AP1M1: variants seen among roughly 807,000 people sequenced by gnomAD.
AP1M1 encodes AP-1 complex subunit mu-1.
Under a neutral mutation model 57.1 loss-of-function variants are expected in AP1M1, and 18 were observed. The ratio of observed to expected loss-of-function variants is 0.32; its 90% CI spans 0.22 to 0.47. The LOEUF (loss-of-function observed/expected upper bound fraction) is 0.47, where lower values mean the gene tolerates loss of function less well. Among genes scored for constraint, AP1M1 ranks in the 20% least tolerant of loss-of-function variants. The pLI is 1.00. For synonymous variants in AP1M1, 241 were observed against 237.9 expected (o/e 1.01, Z -0.12); for missense variants, 362 against 593.5 (o/e 0.61, Z 4.05).
chr19:16,244,690 C>G lies in AP1M1; in HGVS notation c.*10255C>G, dbSNP rs931563923. 6.6e-6 allele frequency: 1 copy of G among 151,588 alleles called. No individual in the cohort carries two copies. The highest frequency in any genetic ancestry group is 2.4e-5 in the African/African-American group (1 of 41,324). The allele number at this position is 151,588 out of a possible 1,614,324, so 9.4% of individuals were successfully genotyped here. A position where few individuals can be genotyped will look rare whatever the true frequency, so the allele number is the denominator to read the frequency against. ...CTAAAAATACAAAAAATTAGCCGGGCGCGGTGGCGGGCGCCTGTAGTCCCA... is the reference window on the plus strand; with the variant it reads ...CTAAAAATACAAAAAATTAGCCGGGGGCGGTGGCGGGCGCCTGTAGTCCCA... On this transcript the variant is annotated 3_prime_UTR_variant, in exon 12 of 12. Coordinates refer to ENST00000291439, the MANE Select transcript of AP1M1 (RefSeq NM_032493.4).
chr19:16,215,214 A>T (rs997526241), intron 5 of AP1M1, among the ~76,000 whole-genome samples: 1 of 2,578 alleles, frequency 3.9e-4, no homozygotes, highest in East Asian at 0.025. Flanking sequence ...GGGGGGGGAG[A>T]GGGGGGAGGG....
rs1599451976 is a variant in AP1M1 at position 16,203,701 on chromosome 19, G to A, written c.199+86G>A. ...ATCCACACGCCTGCAAGCAGGGCTG[G>A]TTTGTGCACAGCGCAAGCATTGGAC... On this transcript the variant is annotated intron_variant, in intron 2 of 11. Transcript: ENST00000291439. This position sits in a 1 kb window ranked among gnomAD's most constrained non-coding sequence, Gnocchi z 4.6. The A allele has an allele frequency of 3.5e-6, 5 of 1,438,690 alleles. No individual in the cohort carries two copies. Among genetic ancestry groups the A allele is most frequent in the East Asian group, 4.6e-5 (2 of 43,594 alleles). The allele number at this position is 1,438,690 out of a possible 1,614,324, so 89.1% of individuals were successfully genotyped here.
Position 16,208,132 on chromosome 19 carries a change from C to G in AP1M1, c.381C>G (p.Asp127Glu). 6.2e-7 allele frequency: 1 copy of G among 1,613,238 alleles called. No individual in the cohort carries two copies. The highest frequency in any genetic ancestry group is 8.5e-7 in the Non-Finnish European group (1 of 1,179,542). The part of the protein sequence containing the change: ...LMDFGYPQTT[D>E]SKILQEYITQ... The stretch of plus-strand genomic sequence containing the variant: ...ACTTCGGCTACCCCCAGACCACCGA[C>G]AGCAAGATCCTGCAGGAGTGAGTGG... The change falls in exon 4 of 12, where the codon GAC becomes GAG. Residue 127 changes from aspartate (D) to glutamate (E), a missense_variant. Asp to Glu is a conservative substitution (Grantham distance 45). This residue lies in a region of AP1M1 where 337 missense variants were observed against 511.1 expected (regional missense o/e 0.66). Coordinates refer to ENST00000291439, the MANE Select transcript of AP1M1 (RefSeq NM_032493.4).
chr19:16,227,549 C>G lies in AP1M1; in HGVS notation c.675C>G (p.Arg225=). The change falls in exon 7 of 12, where the codon CGC becomes CGG. Residue 225 remains arginine, a splice_region_variant and synonymous_variant. Transcript: ENST00000291439. The surrounding 1 kb of genome is among the most constrained non-coding windows in gnomAD (Gnocchi z 6.2). ...NDKVLFDNTG[R]GKSKSVELED... is the part of the protein sequence containing the mutation. The stretch of plus-strand genomic sequence containing the variant: ...TCCTACCCTCACCCCTGACCCCAGG[C>G]GGCAAAAGCAAATCCGTGGAGCTGG... The G allele has an allele frequency of 6.2e-7, 1 of 1,613,702 alleles. No homozygotes were observed. The highest frequency in any genetic ancestry group is 8.5e-7 in the Non-Finnish European group (1 of 1,179,692).
chr19:16,218,258 C>T (rs1042508230), intron 5 of AP1M1, among the ~76,000 whole-genome samples: 1 of 152,222 alleles, frequency 6.6e-6, no homozygotes, highest in Admixed American at 6.5e-5. Context: ...ACCAGCTCGC[C>T]CTTGAGTTCT....
intron 6 of AP1M1, 129 bp downstream of exon 6, chr19:16,226,676 A>G: frequency 8.4e-7 from 1 of 1,187,066 alleles, no homozygotes; most frequent in Non-Finnish European, 1.2e-6. Context: ...GCAGCACTTC[A>G]CACTGCTTGA....
At position 16,199,025 on chromosome 19, in the gene AP1M1, C is replaced by G. The variant is rs1330527945; in HGVS notation, c.42+957C>G. Among the ~76,000 whole-genome samples, 3 of 152,134 alleles carry G rather than the reference C, an allele frequency of 2.0e-5. No individual in the cohort carries two copies. The East Asian group carries it at 5.8e-4, about 29-fold the overall frequency. On this transcript the variant is annotated intron_variant, in intron 1 of 11. Transcript: ENST00000291439. ...GTTTCACCATGTTGACCAGGCTGGT[C>G]TCGAACTCTTGACCTCGAGTGATCC... is the stretch of plus-strand genomic sequence containing the variant.
At chr19:16,212,967 G>C (rs1171281663) in intron 5 of AP1M1, among the ~76,000 whole-genome samples, 1 of 152,108 alleles carries the variant, frequency 6.6e-6, no homozygotes, top group Non-Finnish European at 1.5e-5. Context: ...AGAGTGGCTG[G>C]TATGCTTTTG....
chr19:16,234,121 GC>G, intron 10 of AP1M1, 77 bp from the exon 11 acceptor site: 1 of 1,428,110 alleles, frequency 7.0e-7, no homozygotes, highest in South Asian at 1.3e-5. Flanking sequence ...GCCCCAGGCT[GC>G]CCCAGCAGGA....
At position 16,203,600 on chromosome 19, in the gene AP1M1, C is replaced by T. The variant is rs1050012109; in HGVS notation, c.184C>T (p.His62Tyr). Residue 62 changes from histidine to tyrosine, a missense_variant, in exon 2 of 12, where the codon CAC becomes TAC. By Grantham distance (83) the His-to-Tyr change is moderately conservative (BLOSUM62 2). Coordinates refer to ENST00000291439, the MANE Select transcript of AP1M1 (RefSeq NM_032493.4). The surrounding 1 kb of genome is among the most constrained non-coding windows in gnomAD (Gnocchi z 4.6). ...GGGGGTCCGTTTCATGTGGATCAAA[C>T]ACAACAACCTGTATCGTATCCCTTT... Reference protein sequence around the residue: ...HGGVRFMWIKHNNLYLVATSK... With the variant: ...HGGVRFMWIKYNNLYLVATSK... 5 of 1,612,002 alleles carry T rather than the reference C, an allele frequency of 3.1e-6. No individual in the cohort carries two copies. Among genetic ancestry groups the T allele is most frequent in the Non-Finnish European group, 4.2e-6 (5 of 1,178,790 alleles).
In AP1M1 at chr19:16,235,224, T is replaced by C. The variant is rs780139207; in HGVS notation, c.*789T>C. The stretch of plus-strand genomic sequence containing the variant: ...GTGAGAGACGCCAGCCTCAGACTTT[T>C]TCCCACTGAGGGTCCAGAGAGCGGG... On this transcript the variant is annotated 3_prime_UTR_variant, in exon 12 of 12. Transcript: ENST00000291439. 7 of 152,300 alleles carry C rather than the reference T, an allele frequency of 4.6e-5. No individual in the cohort carries two copies. Among genetic ancestry groups the C allele is most frequent in the Admixed American group, 2.6e-4 (4 of 15,286 alleles). 9.4% of individuals were successfully genotyped at this position (152,300 alleles called of 1,614,324 possible).
rs1014453661 is a variant in AP1M1 at position 16,234,559 on chromosome 19, C to G, written c.*124C>G. On this transcript the variant is annotated 3_prime_UTR_variant, in exon 12 of 12. Coordinates refer to ENST00000291439, the MANE Select transcript of AP1M1 (RefSeq NM_032493.4). Reference sequence around the variant, plus strand: ...TCTGGCCACCCTCCCAGCCTCTGCCCAGGGACCCCTGCCTTCCCCAGGCCA... The same window carrying G: ...TCTGGCCACCCTCCCAGCCTCTGCCGAGGGACCCCTGCCTTCCCCAGGCCA... The G allele has an allele frequency of 1.3e-4, 168 of 1,286,490 alleles. 1 individual carries two copies. The South Asian group carries it at 1.7e-3, about 13-fold the overall frequency. The allele number at this position is 1,286,490 out of a possible 1,614,324, so 79.7% of individuals were successfully genotyped here. A position where few individuals can be genotyped will look rare whatever the true frequency, so the allele number is the denominator to read the frequency against.
At chr19:16,230,262 A>G (rs1400527522) in intron 9 of AP1M1, among the ~76,000 whole-genome samples, 1 of 152,216 alleles carries the variant, frequency 6.6e-6, no homozygotes, top group African/African-American at 2.4e-5. Flanking sequence ...CCCTGCGTTG[A>G]GCAAGTCTGT....
At position 16,227,311 on chromosome 19, in the gene AP1M1, G is replaced by T. The variant is rs1284667553; in HGVS notation, c.674-237G>T. Among the ~76,000 whole-genome samples, 1 of 98,808 alleles carries T rather than the reference G, an allele frequency of 1.0e-5. No individual in the cohort carries two copies. The highest frequency in any genetic ancestry group is 2.6e-5 in the African/African-American group (1 of 38,404). 64.8% of individuals were successfully genotyped at this position (98,808 alleles called of 152,430 possible). On this transcript the variant is annotated intron_variant, in intron 6 of 11. Transcript: ENST00000291439. The surrounding 1 kb of genome is among the most constrained non-coding windows in gnomAD (Gnocchi z 6.2). ...CCCCTGGCTGGGCCCTGGGATGGCC[G>T]CTGGGGACTCAGCATGAACCAGACC...
rs1342311382 is a variant in AP1M1, at chr19:16,244,722, C to G, written c.*10287C>G. ...GCGGGCGCCTGTAGTCCCAGCTACT[C>G]CGGAGGCTGAGGCAGGAGAATGGCG... On this transcript the variant is annotated 3_prime_UTR_variant, in exon 12 of 12. Transcript: ENST00000291439. 1 of 151,614 alleles carries G rather than the reference C, an allele frequency of 6.6e-6. No individual in the cohort carries two copies. Among genetic ancestry groups the G allele is most frequent in the African/African-American group, 2.4e-5 (1 of 41,322 alleles). The allele number at this position is 151,614 out of a possible 1,614,324, so 9.4% of individuals were successfully genotyped here.
rs1421295818 is a variant in AP1M1, at chr19:16,240,601, C to A, written c.*6166C>A. On this transcript the variant is annotated 3_prime_UTR_variant, in exon 12 of 12. Coordinates refer to ENST00000291439, the MANE Select transcript of AP1M1 (RefSeq NM_032493.4). ...AGCAGCTGGGATTACAGGTGCACAC[C>A]ACCACGCCCGGCTAATTTTTGTATT... is the stretch of plus-strand genomic sequence containing the variant. 6.6e-6 allele frequency: 1 copy of A among 152,030 alleles called. No individual in the cohort carries two copies. The highest frequency in any genetic ancestry group is 6.6e-5 in the Admixed American group (1 of 15,248). 9.4% of individuals were successfully genotyped at this position (152,030 alleles called of 1,614,324 possible).
At chr19:16,224,121 C>T (rs749399157) in intron 5 of AP1M1, among the ~76,000 whole-genome samples, 140 of 152,254 alleles carry the variant, frequency 9.2e-4, no homozygotes, top group Non-Finnish European at 1.4e-3. Flanking sequence ...CCCAGAAAGA[C>T]TGTCTCGCGC....
intron 5 of AP1M1, among the ~76,000 whole-genome samples, chr19:16,216,309 G>A (rs2091518798): frequency 6.6e-6 from 1 of 152,104 alleles, no homozygotes; most frequent in Admixed American, 6.6e-5. Flanking sequence ...GCCGGGTGTG[G>A]TGGCGGGCGC....
chr19:16,231,798 G>T (rs2091599972), intron 9 of AP1M1, among the ~76,000 whole-genome samples: 2 of 152,234 alleles, frequency 1.3e-5, no homozygotes, highest in African/African-American at 4.8e-5. Flanking sequence ...TGTATCCCCA[G>T]AAGTGGAATT....
Sources: gnomAD v4.1 joint callset for allele counts (sites outside exome capture counted in the v4.1 genomes callset) on GRCh38, gnomAD v4.1.1 for gene constraint, gnomAD v4.1.1 regional missense constraint, Gnocchi (gnomAD v3.1) non-coding constraint, MANE v1.5 for transcripts, NCBI Gene and HGNC (gene_info 2026-07-23, HGNC 2026-07-21) for gene names.